MTO1: variants seen among roughly 807,000 people sequenced by gnomAD.
MTO1 encodes 5-taurinomethyluridine-[tRNA] synthase subunit MTO1, mitochondrial.
In MTO1, 46 loss-of-function variants were observed where a neutral mutation model predicts 71.6. That is an observed-to-expected ratio of 0.64 (90% CI 0.51 to 0.82). The LOEUF (loss-of-function observed/expected upper bound fraction) is 0.82, where lower values mean the gene tolerates loss of function less well. Ranked by LOEUF, MTO1 falls within the 40% of genes least tolerant of loss-of-function variation. MTO1 has a pLI of 0.00. For synonymous variants in MTO1, 297 were observed against 312.1 expected (o/e 0.95, Z 0.51); for missense variants, 773 against 867.5 (o/e 0.89, Z 1.37).
At chr6:73,482,893 G>C (rs1317119425) in intron 9 of MTO1, among the ~76,000 whole-genome samples, 1 of 146,074 alleles carries the variant, frequency 6.8e-6, no homozygotes, top group African/African-American at 2.5e-5. Context: ...CCGGGTTCGC[G>C]CCATTCTCCT....
rs1771215100 is a variant in MTO1, at chr6:73,473,557, T to C, written c.728T>C (p.Ile243Thr). 6.2e-7 allele frequency: 1 copy of C among 1,613,926 alleles called. No homozygotes were observed. The highest frequency in any genetic ancestry group is 1.3e-5 in the African/African-American group (1 of 74,876). The change falls in exon 4 of 12, where the codon ATT (isoleucine) becomes ACT (threonine). Residue 243 changes from isoleucine (I) to threonine (T), a missense_variant. By Grantham distance (89) the Ile-to-Thr change is moderately conservative (BLOSUM62 -1). Transcript: ENST00000498286. ...GRLKTGTPPR[I>T]AKESINFSIL... ...TTGAAGACTGGGACTCCACCCCGAA[T>C]TGCCAAAGAGTCCATTAATTTCAGT...
At chr6:73,492,118 AG>A (rs1771826276) in intron 9 of MTO1, 115 bp from the exon 10 acceptor site, 32 of 665,026 alleles carry the variant, frequency 4.8e-5, no homozygotes, top group Middle Eastern at 3.2e-4. Flanking sequence ...AAAAAAAAAA[AG>A]AAATAATCTT....
At chr6:73,497,987 C>G (rs1772042868) in intron 11 of MTO1, 91 bp downstream of exon 11, 1 of 1,131,208 alleles carries the variant, frequency 8.8e-7, no homozygotes, top group Non-Finnish European at 1.2e-6. Context: ...GGCCATATAA[C>G]TAATGTTTTA....
chr6:73,468,492 C>T (rs1408756030), intron 3 of MTO1, among the ~76,000 whole-genome samples: 2 of 151,754 alleles, frequency 1.3e-5, no homozygotes, highest in African/African-American at 2.4e-5. Context: ...ATAATTATAC[C>T]GTAATTTTTG....
chr6:73,481,144 T>C (rs888994926), intron 7 of MTO1: 7 of 281,628 alleles, frequency 2.5e-5, no homozygotes, highest in African/African-American at 4.6e-5. Context: ...AGTAGAGATA[T>C]GGTTTCACTG....
chr6:73,492,418 C>T (rs1387016818), intron 10 of MTO1, 66 bp downstream of exon 10: 4 of 1,079,314 alleles, frequency 3.7e-6, no homozygotes, highest in Non-Finnish European at 5.7e-6. Flanking sequence ...GACAACAGAT[C>T]CATTATTACT....
intron 4 of MTO1, among the ~76,000 whole-genome samples, chr6:73,477,057 G>A (rs569463047): frequency 1.2e-4 from 18 of 151,408 alleles, no homozygotes; most frequent in African/African-American, 4.1e-4. Flanking sequence ...CAAGTGTTAG[G>A]ATTACAGGCA....
chr6:73,482,250 T>C lies in MTO1; in HGVS notation c.1465+6T>C, dbSNP rs768448871. On this transcript the variant is annotated splice_donor_region_variant and intron_variant, in intron 8 of 11. Transcript: ENST00000498286. Reference sequence around the variant, plus strand: ...CAGCCGGCTCACACTGCGAGGTAACTCTTTCCTGAGTCCTGCAATCCAGCC... The same window carrying C: ...CAGCCGGCTCACACTGCGAGGTAACCCTTTCCTGAGTCCTGCAATCCAGCC... The C allele has an allele frequency of 1.9e-6, 3 of 1,613,806 alleles. No individual in the cohort carries two copies. The highest frequency in any genetic ancestry group is 1.7e-6 in the Non-Finnish European group (2 of 1,179,920).
Position 73,480,747 on chromosome 6 carries a change from G to A in MTO1, c.1202G>A (p.Arg401Gln), listed in dbSNP as rs760900956. The A allele has an allele frequency of 3.1e-6, 5 of 1,613,836 alleles. No individual in the cohort carries two copies. The highest frequency in any genetic ancestry group is 2.7e-5 in the African/African-American group (2 of 74,872). ...TCCTTGGAGACTCATTTGGTTCAAC[G>A]ACTCTTCTTTGCTGGACAGATCAAT... ...TPSLETHLVQ[R>Q]LFFAGQINGT... The change falls in exon 7 of 12, where the codon CGA becomes CAA. Residue 401 changes from arginine (R) to glutamine (Q), a missense_variant. Physicochemically the swap from Arg to Gln is conservative, Grantham distance 43. Coordinates refer to ENST00000498286, the MANE Select transcript of MTO1 (RefSeq NM_012123.4).
At chr6:73,492,394 G>T (rs1771838615) in intron 10 of MTO1, 42 bp downstream of exon 10, 1 of 1,279,810 alleles carries the variant, frequency 7.8e-7, no homozygotes. Context: ...TATCATATGT[G>T]CAAATTATGA....
At chr6:73,472,188 G>A (rs369770874) in intron 3 of MTO1, among the ~76,000 whole-genome samples, 1 of 152,024 alleles carries the variant, frequency 6.6e-6, no homozygotes, top group East Asian at 1.9e-4. Context: ...TTAAGTTATA[G>A]CTATCTCCCC....
At chr6:73,474,910 C>G (rs1771267873) in intron 4 of MTO1, among the ~76,000 whole-genome samples, 2 of 151,906 alleles carry the variant, frequency 1.3e-5, no homozygotes, top group South Asian at 4.1e-4. Flanking sequence ...CTCCTGCCGC[C>G]ACACTGGCTA....
At chr6:73,483,035 G>T (rs935743665) in intron 9 of MTO1, among the ~76,000 whole-genome samples, 1 of 151,708 alleles carries the variant, frequency 6.6e-6, no homozygotes, top group Non-Finnish European at 1.5e-5. Flanking sequence ...CTCGTGATCC[G>T]CCCGCCTCGG....
chr6:73,482,893 G>A (rs1317119425), intron 9 of MTO1, among the ~76,000 whole-genome samples: 1 of 146,074 alleles, frequency 6.8e-6, no homozygotes, highest in African/African-American at 2.5e-5. Flanking sequence ...CCGGGTTCGC[G>A]CCATTCTCCT....
intron 3 of MTO1, chr6:73,471,512 C>A: frequency 2.3e-6 from 1 of 443,436 alleles, no homozygotes; most frequent in South Asian, 1.6e-5. Flanking sequence ...CCACCTGGAC[C>A]CAAGTGATCT....
Position 73,473,563 on chromosome 6 carries a change from A to T in MTO1, c.734A>T (p.Lys245Ile), listed in dbSNP as rs764657860. The T allele has an allele frequency of 8.1e-6, 13 of 1,613,996 alleles. No homozygotes were observed. Among genetic ancestry groups the T allele is most frequent in the Non-Finnish European group, 1.1e-5 (13 of 1,180,000 alleles). ...ACTGGGACTCCACCCCGAATTGCCAAAGAGTCCATTAATTTCAGTATTCTA... is the reference window on the plus strand; with the variant it reads ...ACTGGGACTCCACCCCGAATTGCCATAGAGTCCATTAATTTCAGTATTCTA... ...LKTGTPPRIAKESINFSILNK... is the reference protein window; with the variant it reads ...LKTGTPPRIAIESINFSILNK... The change falls in exon 4 of 12, where the codon AAA becomes ATA. Residue 245 changes from lysine (K) to isoleucine (I), a missense_variant. Transcript: ENST00000498286.
At chr6:73,488,372 T>C (rs901420915) in intron 9 of MTO1, among the ~76,000 whole-genome samples, 4 of 152,112 alleles carry the variant, frequency 2.6e-5, no homozygotes, top group African/African-American at 2.4e-5. Context: ...AGGATCTTGC[T>C]GTGTTGCCAA....
At chr6:73,485,148 T>A (rs1028613931) in intron 9 of MTO1, among the ~76,000 whole-genome samples, 5 of 152,050 alleles carry the variant, frequency 3.3e-5, no homozygotes, top group African/African-American at 1.2e-4. Context: ...GTGACTGATG[T>A]GTATTGATGA....
chr6:73,500,869 T>A lies in MTO1; in HGVS notation c.*134T>A. 1 of 710,406 alleles carries A rather than the reference T, an allele frequency of 1.4e-6. No homozygotes were observed. Among genetic ancestry groups the A allele is most frequent in the Non-Finnish European group, 2.0e-6 (1 of 492,674 alleles). 44.0% of individuals were successfully genotyped at this position (710,406 alleles called of 1,614,324 possible). ...TATGGGTTTGCCATTAATTTCTGAGTGGGACAGAAATTATAATTGTGCTTT... is the reference window on the plus strand; with the variant it reads ...TATGGGTTTGCCATTAATTTCTGAGAGGGACAGAAATTATAATTGTGCTTT... On this transcript the variant is annotated 3_prime_UTR_variant, in exon 12 of 12. Transcript: ENST00000498286.
Sources: allele counts gnomAD v4.1 joint callset (sites outside exome capture counted in the v4.1 genomes callset), GRCh38; gene constraint gnomAD v4.1.1; transcripts MANE v1.5; gene names NCBI Gene and HGNC (gene_info 2026-07-23, HGNC 2026-07-21).